The following KCNU1 variants were observed in gnomAD, a reference collection of about 807,000 sequenced individuals.
The protein encoded by KCNU1 is potassium calcium-activated channel subfamily U member 1, also known as potassium channel subfamily U member 1.
Under a neutral mutation model 126.8 loss-of-function variants are expected in KCNU1, and 93 were observed. That is an observed-to-expected ratio of 0.73 (90% CI 0.62 to 0.87). KCNU1 has a LOEUF of 0.87. KCNU1 is among the 40% of genes least tolerant of loss of function. The pLI, the probability that KCNU1 is intolerant of heterozygous loss-of-function variation, is 0.00. For missense variants in KCNU1, 1,330 were observed against 1,367.1 expected (o/e 0.97, Z 0.43); for synonymous variants, 523 against 494.2 (o/e 1.06, Z -0.77).
intron 16 of KCNU1, among the ~76,000 whole-genome samples, chr8:36,842,501 A>G (rs1036288178): frequency 1.2e-4 from 18 of 152,318 alleles, no homozygotes; most frequent in African/African-American, 4.1e-4. Context: ...GAATGTAAAC[A>G]TCTGCATAAA....
At chr8:36,913,664 C>A (rs1050051476) in intron 22 of KCNU1, among the ~76,000 whole-genome samples, 1 of 147,126 alleles carries the variant, frequency 6.8e-6, no homozygotes, top group Non-Finnish European at 1.5e-5. Context: ...TGCGGTGGTG[C>A]GATCTTGGCT....
In KCNU1 at chr8:36,821,209, G is replaced by T. The variant is rs532149711; in HGVS notation, c.1106+3449G>T. On this transcript the variant is annotated intron_variant, in intron 10 of 26. Transcript: ENST00000399881. ...GAAGCATGATGACTCAGGATCAGAG[G>T]ACAGAGAAAAGAATTACGGACAGTA... is the stretch of plus-strand genomic sequence containing the variant. Among the ~76,000 whole-genome samples the T allele has an allele frequency of 6.6e-5, 10 of 152,276 alleles. No individual in the cohort carries two copies. The East Asian group carries it at 1.5e-3, about 24-fold the overall frequency.
chr8:36,922,488 A>G lies in KCNU1; in HGVS notation c.2597-2A>G. The G allele has an allele frequency of 1.2e-6, 2 of 1,609,176 alleles. No homozygotes were observed. The highest frequency in any genetic ancestry group is 1.7e-6 in the Non-Finnish European group (2 of 1,178,340). ...CTTTCCTTTTTGCCTCTTGCCTTGC[A>G]GAAAATCCTTCCAACATTCACTTTA... is the stretch of plus-strand genomic sequence containing the variant. On this transcript the variant is annotated splice_acceptor_variant, in intron 23 of 26. Coordinates refer to ENST00000399881, the MANE Select transcript of KCNU1 (RefSeq NM_001031836.3). LOFTEE classifies it high-confidence loss of function.
chr8:36,811,730 G>A (rs1462351910), intron 7 of KCNU1, among the ~76,000 whole-genome samples: 1 of 151,866 alleles, frequency 6.6e-6, no homozygotes, highest in African/African-American at 2.4e-5. Context: ...TCAGGGGTTC[G>A]AGACCAGCCT....
intron 7 of KCNU1, among the ~76,000 whole-genome samples, chr8:36,811,312 T>A (rs1437308045): frequency 6.6e-6 from 1 of 152,074 alleles, no homozygotes; most frequent in Non-Finnish European, 1.5e-5. Flanking sequence ...TCAAAATTAT[T>A]AATTCTAATC....
chr8:36,884,154 G>A (rs1806597237), intron 19 of KCNU1, among the ~76,000 whole-genome samples: 1 of 152,112 alleles, frequency 6.6e-6, no homozygotes, highest in South Asian at 2.1e-4. Flanking sequence ...CTAATGGAGT[G>A]AGTTCTGATA....
chr8:36,845,444 G>T, intron 16 of KCNU1, 136 bp from the exon 17 acceptor site: 1 of 611,178 alleles, frequency 1.6e-6, no homozygotes. Context: ...TCTCCACTGT[G>T]TTTGGCAGTA....
chr8:36,789,342 C>T (rs867117077), intron 2 of KCNU1, among the ~76,000 whole-genome samples: 8 of 151,394 alleles, frequency 5.3e-5, no homozygotes, highest in Admixed American at 3.3e-4. Flanking sequence ...CCAGCCTAGG[C>T]GACAGAGAGA....
At chr8:36,842,768 T>G (rs1410889828) in intron 16 of KCNU1, among the ~76,000 whole-genome samples, 1 of 152,192 alleles carries the variant, frequency 6.6e-6, no homozygotes, top group Non-Finnish European at 1.5e-5. Context: ...CCTCCCAGGT[T>G]CAAGTGATTC....
intron 16 of KCNU1, among the ~76,000 whole-genome samples, chr8:36,844,260 A>G (rs1008292915): frequency 5.9e-5 from 9 of 152,184 alleles, no homozygotes; most frequent in African/African-American, 2.2e-4. Context: ...CACACCTGCA[A>G]TCCCAGCTAC....
chr8:36,888,386 TCCC>T, intron 19 of KCNU1: 1 of 360,220 alleles, frequency 2.8e-6, no homozygotes, highest in South Asian at 2.1e-5. Flanking sequence ...CTGCCACTCC[TCCC>T]TCCCCCACAA....
At chr8:36,884,358 C>T (rs1048910649) in intron 19 of KCNU1, among the ~76,000 whole-genome samples, 1 of 152,100 alleles carries the variant, frequency 6.6e-6, no homozygotes, top group Non-Finnish European at 1.5e-5. Context: ...ATCATAATGA[C>T]CCGTGAAGCA....
chr8:36,790,384 T>C (rs977290762), intron 2 of KCNU1, among the ~76,000 whole-genome samples: 1 of 151,456 alleles, frequency 6.6e-6, no homozygotes, highest in African/African-American at 2.4e-5. Flanking sequence ...CTAAGCAGAA[T>C]AAATTTAAAA....
intron 1 of KCNU1, among the ~76,000 whole-genome samples, chr8:36,787,049 G>A (rs532500108): frequency 9.9e-5 from 15 of 152,220 alleles, no homozygotes; most frequent in South Asian, 4.1e-4. Context: ...GTCTGGGACC[G>A]GGTATACATG....
intron 4 of KCNU1, 95 bp from the exon 5 acceptor site, chr8:36,806,174 C>A: frequency 1.5e-6 from 1 of 680,392 alleles, no homozygotes; most frequent in East Asian, 2.8e-5. Flanking sequence ...AAGGCTTCAG[C>A]TGATAAGTAA....
intron 19 of KCNU1, among the ~76,000 whole-genome samples, chr8:36,869,747 C>G (rs1264292004): frequency 6.6e-6 from 1 of 152,058 alleles, no homozygotes; most frequent in Non-Finnish European, 1.5e-5. Flanking sequence ...TATGTAGTGC[C>G]TAATATACAT....
In KCNU1 at chr8:36,787,420, G is replaced by C. The variant is rs771695874; in HGVS notation, c.310G>C (p.Val104Leu). 3.7e-6 allele frequency: 6 copies of C among 1,607,302 alleles called. No homozygotes were observed. Among genetic ancestry groups the C allele is most frequent in the Non-Finnish European group, 5.1e-6 (6 of 1,176,524 alleles). Residue 104 changes from valine to leucine, a missense_variant, in exon 2 of 27, where the codon GTG becomes CTG. Coordinates refer to ENST00000399881, the MANE Select transcript of KCNU1 (RefSeq NM_001031836.3). ...TTCAGCCCAGACCTTTGTGGGGCAAGTGTTGGTAAGTACATTTTCAGTGTT... is the reference window on the plus strand; with the variant it reads ...TTCAGCCCAGACCTTTGTGGGGCAACTGTTGGTAAGTACATTTTCAGTGTT... ...LLSAQTFVGQ[V>L]LVILVFVLSI... is the part of the protein sequence containing the mutation.
chr8:36,923,155 G>T (rs1166474619), intron 24 of KCNU1: 1 of 440,372 alleles, frequency 2.3e-6, no homozygotes, highest in African/African-American at 2.0e-5. Flanking sequence ...TTAGCCACCT[G>T]GCAGACCTTT....
chr8:36,857,406 G>A (rs1805565231), intron 18 of KCNU1, among the ~76,000 whole-genome samples: 1 of 152,140 alleles, frequency 6.6e-6, no homozygotes, highest in Non-Finnish European at 1.5e-5. Context: ...CAGGGACATA[G>A]CACAGCATTT....
Sources: gnomAD v4.1 joint callset for allele counts (sites outside exome capture counted in the v4.1 genomes callset) on GRCh38, gnomAD v4.1.1 for gene constraint, MANE v1.5 for transcripts, NCBI Gene and HGNC (gene_info 2026-07-23, HGNC 2026-07-21) for gene names.